C1orf198: variants seen among roughly 807,000 people sequenced by gnomAD.
C1orf198 encodes chromosome 1 open reading frame 198.
A neutral mutation model predicts 31.4 loss-of-function variants in C1orf198; 17 were observed. That is an observed-to-expected ratio of 0.54 (90% CI 0.37 to 0.81). The LOEUF (loss-of-function observed/expected upper bound fraction) is 0.81, where lower values mean the gene tolerates loss of function less well. Ranked by LOEUF, C1orf198 falls within the 40% of genes least tolerant of loss-of-function variation. The probability of loss-of-function intolerance (pLI) is 0.00; values close to 1 mark genes in which losing one functional copy is unlikely to be tolerated. For missense variants in C1orf198, 401 were observed against 450.3 expected (o/e 0.89, Z 0.99); for synonymous variants, 175 against 193.8 (o/e 0.90, Z 0.81).
At chr1:230,851,859 C>G (rs994414580) in intron 2 of C1orf198, among the ~76,000 whole-genome samples, 2 of 152,224 alleles carry the variant, frequency 1.3e-5, no homozygotes, top group Admixed American at 1.3e-4. Context: ...CCACAGGTCC[C>G]AAGCACAACC....
Position 230,856,494 on chromosome 1 carries a change from G to A in C1orf198, c.334-776C>T, listed in dbSNP as rs552571389. Among the ~76,000 whole-genome samples the A allele has an allele frequency of 4.6e-5, 7 of 152,162 alleles. No homozygotes were observed. The South Asian group carries it at 1.2e-3, about 27-fold the overall frequency. On this transcript the variant is annotated intron_variant, in intron 1 of 3. Transcript: ENST00000366663. ...TTTCCTTATATCCCACCCTCTACCC[G>A]CAGTTATTCCTGTGCTAGCAAATGT... is the stretch of plus-strand genomic sequence containing the variant.
intron 3 of C1orf198, among the ~76,000 whole-genome samples, chr1:230,841,861 A>T (rs1401052817): frequency 6.6e-6 from 1 of 152,202 alleles, no homozygotes; most frequent in African/African-American, 2.4e-5. Flanking sequence ...CCTAACAGAC[A>T]ACAATAGCCA....
chr1:230,846,286 T>C (rs949716284), intron 2 of C1orf198, among the ~76,000 whole-genome samples: 1 of 152,258 alleles, frequency 6.6e-6, no homozygotes. Context: ...TTTTAGTCAC[T>C]GAGTATAATA....
intron 1 of C1orf198, among the ~76,000 whole-genome samples, chr1:230,860,826 A>T (rs1202576): frequency 3.3e-5 from 5 of 151,952 alleles, no homozygotes; most frequent in African/African-American, 7.2e-5. Context: ...CACAACATTG[A>T]GACTGTACTA....
intron 1 of C1orf198, among the ~76,000 whole-genome samples, chr1:230,864,970 G>A (rs530025594): frequency 2.6e-4 from 39 of 152,266 alleles, no homozygotes; most frequent in Middle Eastern, 3.4e-3. Context: ...AGCCATTCCC[G>A]AAACCCTACT....
rs191633310 is a variant in C1orf198, at chr1:230,849,124, A to G, written c.385-5228T>C. 3.1e-4 allele frequency among the ~76,000 whole-genome samples: 47 copies of G among 152,350 alleles called. No individual in the cohort carries two copies. The East Asian group carries it at 7.5e-3, about 24-fold the overall frequency. On this transcript the variant is annotated intron_variant, in intron 2 of 3. Coordinates refer to ENST00000366663, the MANE Select transcript of C1orf198 (RefSeq NM_032800.3). The stretch of plus-strand genomic sequence containing the variant: ...TACTGCTTTTTGCTTCGGTGACTCC[A>G]CACTGTTGGCCACTCCCCATCTCTT...
intron 1 of C1orf198, 46 bp from the exon 2 acceptor site, chr1:230,855,764 T>C (rs376670449): frequency 1.2e-6 from 2 of 1,607,578 alleles, no homozygotes; most frequent in Non-Finnish European, 1.7e-6. Flanking sequence ...AACCCAGACA[T>C]ACCCCATGCA....
upstream of C1orf198, chr1:230,868,599 C>T: frequency 9.7e-7 from 1 of 1,027,396 alleles, no homozygotes; most frequent in East Asian, 6.9e-5. Flanking sequence ...GAGCCCCGCC[C>T]CCTCCGGGAA....
rs1287363806 is a variant in C1orf198 at position 230,838,234 on chromosome 1, A to T, written c.*1618T>A. ...ATGCTGAAACCTTTTTTTGCCTCAC[A>T]TATATCAACTATACTTAAATGGTAC... On this transcript the variant is annotated 3_prime_UTR_variant, in exon 4 of 4. Transcript: ENST00000366663. The surrounding 1 kb of genome is among the most constrained non-coding windows in gnomAD (Gnocchi z 4.2). 6.6e-6 allele frequency: 1 copy of T among 152,208 alleles called. No individual in the cohort carries two copies. Among genetic ancestry groups the T allele is most frequent in the East Asian group, 1.9e-4 (1 of 5,206 alleles). The allele number at this position is 152,208 out of a possible 1,614,324, so 9.4% of individuals were successfully genotyped here. A position where few individuals can be genotyped will look rare whatever the true frequency, so the allele number is the denominator to read the frequency against.
At chr1:230,844,144 C>T (rs1475386154) in intron 2 of C1orf198, among the ~76,000 whole-genome samples, 2 of 152,054 alleles carry the variant, frequency 1.3e-5, no homozygotes, top group Non-Finnish European at 2.9e-5. Context: ...GTGGTCCCCT[C>T]CCAAATCTCA....
chr1:230,848,681 G>A (rs770966382), intron 2 of C1orf198, among the ~76,000 whole-genome samples: 2 of 151,788 alleles, frequency 1.3e-5, no homozygotes, highest in East Asian at 1.9e-4. Context: ...ATTGTATATC[G>A]AAAAAAAACC....
In C1orf198 at chr1:230,857,860, T is replaced by G. The variant is rs1042597720; in HGVS notation, c.334-2142A>C. On this transcript the variant is annotated intron_variant, in intron 1 of 3. Transcript: ENST00000366663. The surrounding 1 kb of genome is among the most constrained non-coding windows in gnomAD (Gnocchi z 4.2). Reference sequence around the variant, plus strand: ...AGTCAGTTCTGAGAACCACATAGTGTGTGCAACTAATGACCATGTGCACAG... The same window carrying G: ...AGTCAGTTCTGAGAACCACATAGTGGGTGCAACTAATGACCATGTGCACAG... 1.3e-5 allele frequency among the ~76,000 whole-genome samples: 2 copies of G among 152,218 alleles called. No individual in the cohort carries two copies. The highest frequency in any genetic ancestry group is 2.4e-5 in the African/African-American group (1 of 41,458).
intron 2 of C1orf198, among the ~76,000 whole-genome samples, chr1:230,853,829 C>G (rs1669803275): frequency 6.6e-6 from 1 of 152,204 alleles, no homozygotes; most frequent in Non-Finnish European, 1.5e-5. Flanking sequence ...ATGCTGGCAT[C>G]TGTGGACAAT....
At position 230,857,077 on chromosome 1, in the gene C1orf198, G is replaced by C. The variant is rs1245711660; in HGVS notation, c.334-1359C>G. Among the ~76,000 whole-genome samples the C allele has an allele frequency of 6.6e-6, 1 of 152,230 alleles. No individual in the cohort carries two copies. The highest frequency in any genetic ancestry group is 2.4e-5 in the African/African-American group (1 of 41,464). On this transcript the variant is annotated intron_variant, in intron 1 of 3. Transcript: ENST00000366663. This position sits in a 1 kb window ranked among gnomAD's most constrained non-coding sequence, Gnocchi z 4.2. The stretch of plus-strand genomic sequence containing the variant: ...ACACATTCAGCCTTCCAGACCCCGA[G>C]TGTGCGTTCTCTGTGCAGACGCCTC...
intron 1 of C1orf198, among the ~76,000 whole-genome samples, chr1:230,863,951 T>C (rs1670054347): frequency 2.0e-5 from 3 of 152,188 alleles, no homozygotes; most frequent in African/African-American, 7.2e-5. Flanking sequence ...AATTTTCTTT[T>C]TCCTTTTTTT....
chr1:230,855,736 G>A lies in C1orf198; in HGVS notation c.334-18C>T, dbSNP rs74143504. On this transcript the variant is annotated intron_variant, in intron 1 of 3. Transcript: ENST00000366663. ...GTTAGATCCTGAAATAAAAAATCGAGAATAAGTCTGAAATTCAAACCCAGA... is the reference window on the plus strand; with the variant it reads ...GTTAGATCCTGAAATAAAAAATCGAAAATAAGTCTGAAATTCAAACCCAGA... 6.1e-4 allele frequency: 988 copies of A among 1,612,292 alleles called. 3 individuals are homozygous for A. The African/African-American group carries it at 0.011, about 18-fold the overall frequency.
At chr1:230,854,755 G>A (rs2102985916) in intron 2 of C1orf198, among the ~76,000 whole-genome samples, 1 of 152,224 alleles carries the variant, frequency 6.6e-6, no homozygotes, top group East Asian at 1.9e-4. Context: ...CCAACATGAG[G>A]GCCTCTCAGG....
intron 2 of C1orf198, among the ~76,000 whole-genome samples, chr1:230,845,890 G>A (rs1353793321): frequency 6.6e-6 from 1 of 152,126 alleles, no homozygotes; most frequent in African/African-American, 2.4e-5. Context: ...CTGTAGTTCT[G>A]TTGGGCATGT....
At chr1:230,855,970 C>G (rs1301125380) in intron 1 of C1orf198, 40 of 1,293,560 alleles carry the variant, frequency 3.1e-5, no homozygotes, top group Non-Finnish European at 3.5e-5. Flanking sequence ...GCCGGTGAGG[C>G]CCCCCAATGG....
Sources: allele counts gnomAD v4.1 joint callset (sites outside exome capture counted in the v4.1 genomes callset), GRCh38; gene constraint gnomAD v4.1.1; non-coding constraint Gnocchi (gnomAD v3.1); transcripts MANE v1.5; gene names NCBI Gene and HGNC (gene_info 2026-07-23, HGNC 2026-07-21).